FOXP1: variants seen among roughly 807,000 people sequenced by gnomAD.
The protein encoded by FOXP1 is forkhead box protein P1.
In FOXP1, 15 loss-of-function variants were observed where a neutral mutation model predicts 98.2. The ratio of observed to expected loss-of-function variants is 0.15; its 90% CI spans 0.10 to 0.24. The LOEUF is 0.24. Ranked by LOEUF, FOXP1 falls within the 10% of genes least tolerant of loss-of-function variation. FOXP1 has a pLI of 1.00. For synonymous variants in FOXP1, 371 were observed against 314.5 expected, an observed-to-expected ratio of 1.18 and a Z score of -1.90; for missense variants, 633 against 848.5, an observed-to-expected ratio of 0.75 and a Z score of 3.15.
rs1170501311 is a variant in FOXP1, at chr3:70,956,310, A to G, written c.*2937T>C. On this transcript the variant is annotated 3_prime_UTR_variant, in exon 21 of 21. Coordinates refer to ENST00000649528, the MANE Select transcript of FOXP1 (RefSeq NM_001349338.3). ...CAGGGGATACAGAATCAGAATTGTA[A>G]AAATCATAGTGAAGTTTGCTTGCTG... is the stretch of plus-strand genomic sequence containing the variant. The G allele has an allele frequency of 8.6e-6, 2 of 233,462 alleles. No homozygotes were observed. The highest frequency in any genetic ancestry group is 4.4e-5 in the African/African-American group (2 of 45,330). 14.5% of individuals were successfully genotyped at this position (233,462 alleles called of 1,614,324 possible). A position where few individuals can be genotyped will look rare whatever the true frequency, so the allele number is the denominator to read the frequency against.
At position 71,268,609 on chromosome 3, in the gene FOXP1, A is replaced by C. The variant is rs548699150; in HGVS notation, c.-12+31211T>G. ...ACACATCATGCCAGCCCCTCTGACC[A>C]AGTGATAAGACAGGTAGATAAAGGG... On this transcript the variant is annotated intron_variant, in intron 5 of 20. Coordinates refer to ENST00000649528, the MANE Select transcript of FOXP1 (RefSeq NM_001349338.3). 1.8e-3 allele frequency among the ~76,000 whole-genome samples: 267 copies of C among 152,308 alleles called. 4 individuals carry two copies. The Middle Eastern group carries it at 0.051, about 29-fold the overall frequency.
chr3:71,175,905 C>T (rs768443968), intron 6 of FOXP1, among the ~76,000 whole-genome samples: 2 of 152,168 alleles, frequency 1.3e-5, no homozygotes, highest in African/African-American at 2.4e-5. Context: ...GAGACACAGA[C>T]ACAGGAACAC....
rs868315275 is a variant in FOXP1 at position 71,581,662 on chromosome 3, G to A, written c.-411C>T. ...CTGCCCCCGGCCCGCTCGCTCGCTC[G>A]CCGCGCGCTCTCTTCCTCTTACAAA... On this transcript the variant is annotated 5_prime_UTR_variant, in exon 2 of 21. Transcript: ENST00000649528. The A allele has an allele frequency of 1.1e-4, 109 of 985,896 alleles. No homozygotes were observed. The highest frequency in any genetic ancestry group is 5.2e-4 in the Middle Eastern group (1 of 1,912). 61.1% of individuals were successfully genotyped at this position (985,896 alleles called of 1,614,324 possible).
At position 70,955,643 on chromosome 3, in the gene FOXP1, T is replaced by C. The variant is rs1432364179; in HGVS notation, c.*3604A>G. 4.3e-6 allele frequency: 1 copy of C among 233,356 alleles called. No individual in the cohort carries two copies. The highest frequency in any genetic ancestry group is 8.5e-6 in the Non-Finnish European group (1 of 117,990). The allele number at this position is 233,356 out of a possible 1,614,324, so 14.5% of individuals were successfully genotyped here. On this transcript the variant is annotated 3_prime_UTR_variant, in exon 21 of 21. Transcript: ENST00000649528. ...GTTAATCACTACTTCACTGATAAAC[T>C]TGGAAAAGTGTGACCCTGGAATTTC...
At chr3:71,347,136 A>C (rs2077416600) in intron 4 of FOXP1, among the ~76,000 whole-genome samples, 2 of 152,220 alleles carry the variant, frequency 1.3e-5, no homozygotes, top group Admixed American at 1.3e-4. Context: ...AACTATAAGA[A>C]TTAATAGAAT....
At chr3:71,582,902 G>T in intron 1 of FOXP1, 2 of 753,554 alleles carry the variant, frequency 2.7e-6, no homozygotes, top group Non-Finnish European at 3.2e-6. Flanking sequence ...GCGGGGCCCA[G>T]GGCCAGGCAC....
chr3:71,368,071 C>T (rs1452958697), intron 3 of FOXP1, among the ~76,000 whole-genome samples: 1 of 152,134 alleles, frequency 6.6e-6, no homozygotes, highest in Non-Finnish European at 1.5e-5. Context: ...CTGGTGAATC[C>T]TACAGAGGAA....
chr3:71,400,783 C>A (rs543707017), intron 3 of FOXP1, among the ~76,000 whole-genome samples: 74 of 152,150 alleles, frequency 4.9e-4, no homozygotes, highest in Non-Finnish European at 8.1e-4. Flanking sequence ...TAAAAGAGAA[C>A]AATCTCCCAG....
intron 3 of FOXP1, among the ~76,000 whole-genome samples, chr3:71,425,228 G>A (rs1403189755): frequency 6.6e-6 from 1 of 152,138 alleles, no homozygotes; most frequent in Admixed American, 6.5e-5. Context: ...CAATTCTCCT[G>A]TCTCAGCCTC....
chr3:71,000,547 T>C (rs1222341860), intron 13 of FOXP1, among the ~76,000 whole-genome samples: 1 of 151,944 alleles, frequency 6.6e-6, no homozygotes, highest in East Asian at 1.9e-4. Context: ...TCTCTCAAAC[T>C]CTCTTTCCCC....
At chr3:71,446,177 G>A (rs1015193295) in intron 3 of FOXP1, among the ~76,000 whole-genome samples, 1 of 152,066 alleles carries the variant, frequency 6.6e-6, no homozygotes, top group Non-Finnish European at 1.5e-5. Context: ...TGGAGAAATG[G>A]GTGCTCTGCC....
At chr3:71,134,506 G>A (rs570904817) in intron 6 of FOXP1, among the ~76,000 whole-genome samples, 44 of 152,252 alleles carry the variant, frequency 2.9e-4, no homozygotes, top group Non-Finnish European at 4.4e-4. Context: ...AAATGTATAG[G>A]AGCATTTCAT....
At chr3:71,435,088 A>G (rs1203498759) in intron 3 of FOXP1, among the ~76,000 whole-genome samples, 3 of 149,958 alleles carry the variant, frequency 2.0e-5, no homozygotes, top group Non-Finnish European at 4.4e-5. Context: ...TCTTTTTCTC[A>G]TAAGAGCTTA....
chr3:71,434,726 T>C (rs1319184103), intron 3 of FOXP1, among the ~76,000 whole-genome samples: 2 of 151,620 alleles, frequency 1.3e-5, no homozygotes, highest in Admixed American at 6.6e-5. Flanking sequence ...AGAGTTCTTC[T>C]TACCACAGAT....
At chr3:71,427,154 T>C (rs769374360) in intron 3 of FOXP1, among the ~76,000 whole-genome samples, 1 of 152,016 alleles carries the variant, frequency 6.6e-6, no homozygotes, top group Non-Finnish European at 1.5e-5. Context: ...ATTATTTGAC[T>C]CTTCCCTTAA....
chr3:71,183,367 C>A (rs117549958), intron 6 of FOXP1, among the ~76,000 whole-genome samples: 1 of 152,000 alleles, frequency 6.6e-6, no homozygotes, highest in African/African-American at 2.4e-5. Flanking sequence ...GCAATAGTGG[C>A]GCGAGCCTGC....
chr3:71,437,600 A>G (rs71298387), intron 3 of FOXP1, among the ~76,000 whole-genome samples: 4,122 of 152,168 alleles, frequency 0.027, 100 homozygotes, highest in Middle Eastern at 0.048. Context: ...GGTCTCTCTG[A>G]GTGTTCCCCA....
intron 2 of FOXP1, among the ~76,000 whole-genome samples, chr3:71,494,176 C>G (rs1169947630): frequency 6.6e-6 from 1 of 152,094 alleles, no homozygotes; most frequent in Non-Finnish European, 1.5e-5. Flanking sequence ...GAGTTCTGGA[C>G]CCGGTATGGT....
At chr3:71,284,463 T>C (rs1001591479) in intron 5 of FOXP1, among the ~76,000 whole-genome samples, 3 of 152,000 alleles carry the variant, frequency 2.0e-5, no homozygotes, top group Non-Finnish European at 4.4e-5. Flanking sequence ...ACTCGGGAGC[T>C]GATGTGGAAG....
Sources: allele counts gnomAD v4.1 joint callset (sites outside exome capture counted in the v4.1 genomes callset), GRCh38; gene constraint gnomAD v4.1.1; transcripts MANE v1.5; gene names NCBI Gene and HGNC (gene_info 2026-07-23, HGNC 2026-07-21).